The following SMOX variants were observed in gnomAD, a reference collection of about 807,000 sequenced individuals.
SMOX encodes the protein spermine oxidase.
In SMOX, 22 loss-of-function variants were observed where a neutral mutation model predicts 51.0. That is an observed-to-expected ratio of 0.43 (90% CI 0.31 to 0.62). The LOEUF (loss-of-function observed/expected upper bound fraction) is 0.62. Among genes scored for constraint, SMOX ranks in the 20% least tolerant of loss-of-function variants. SMOX has a pLI of 0.10. For missense variants in SMOX, 566 were observed against 777.7 expected (o/e 0.73, Z 3.24); for synonymous variants, 282 against 307.8 (o/e 0.92, Z 0.88).
rs1378302903 is a variant in SMOX at position 4,172,280 on chromosome 20, G to A, written c.-26-2750G>A. Among the ~76,000 whole-genome samples the A allele has an allele frequency of 6.6e-6, 1 of 152,154 alleles. No homozygotes were observed. The highest frequency in any genetic ancestry group is 1.5e-5 in the Non-Finnish European group (1 of 68,018). On this transcript the variant is annotated intron_variant, in intron 1 of 6. Coordinates refer to ENST00000305958, the MANE Select transcript of SMOX (RefSeq NM_175839.3). The surrounding 1 kb of genome is among the most constrained non-coding windows in gnomAD (Gnocchi z 7.7). Reference sequence around the variant, plus strand: ...TGCCCAGGGTGGCGGCGTCCCCGTCGCAGCTGGCGCGGCCCCTCCGGAGCA... The same window carrying A: ...TGCCCAGGGTGGCGGCGTCCCCGTCACAGCTGGCGCGGCCCCTCCGGAGCA...
In SMOX at chr20:4,182,320, C is replaced by G. The variant is rs754067325; in HGVS notation, c.841C>G (p.Arg281Gly). ...CCCCAGAGGCCCTGAGATTGAGCCC[C>G]GGGGTGAGGGCGACCACAATCACGA... is the stretch of plus-strand genomic sequence containing the variant. ...ARPRGPEIEPRGEGDHNHDTG... is the reference protein window; with the variant it reads ...ARPRGPEIEPGGEGDHNHDTG... The change falls in exon 5 of 7, where the codon CGG becomes GGG. Residue 281 changes from arginine to glycine, a missense_variant. Arg to Gly is a moderately radical substitution (Grantham distance 125). This residue lies in a region of SMOX where 347 missense variants were observed against 481.8 expected (regional missense o/e 0.72). Transcript: ENST00000305958. This position sits in a 1 kb window ranked among gnomAD's most constrained non-coding sequence, Gnocchi z 8.4. 1 of 1,598,268 alleles carries G rather than the reference C, an allele frequency of 6.3e-7. No individual in the cohort carries two copies. Among genetic ancestry groups the G allele is most frequent in the Non-Finnish European group, 8.6e-7 (1 of 1,169,084 alleles).
chr20:4,149,050 C>A lies in SMOX; in HGVS notation c.-27+73C>A, dbSNP rs1286155870. On this transcript the variant is annotated intron_variant, in intron 1 of 6. Coordinates refer to ENST00000305958, the MANE Select transcript of SMOX (RefSeq NM_175839.3). This position sits in a 1 kb window ranked among gnomAD's most constrained non-coding sequence, Gnocchi z 6.0. Reference sequence around the variant, plus strand: ...CCCGGGCGCAGGCAGGGGCTGCGGCCGCCGCGAGAGGGTGAGGGGCCCGGA... The same window carrying A: ...CCCGGGCGCAGGCAGGGGCTGCGGCAGCCGCGAGAGGGTGAGGGGCCCGGA... 2.0e-5 allele frequency: 3 copies of A among 150,012 alleles called. No individual in the cohort carries two copies. In the East Asian group the frequency reaches 6.0e-4, roughly 30 times the overall value. The allele number at this position is 150,012 out of a possible 1,614,324, so 9.3% of individuals were successfully genotyped here. A position where few individuals can be genotyped will look rare whatever the true frequency, so the allele number is the denominator to read the frequency against.
rs200504669 is a variant in SMOX, at chr20:4,187,290, C to T, written c.1551C>T (p.Ser517=). 140 of 1,614,098 alleles carry T rather than the reference C, an allele frequency of 8.7e-5. No individual in the cohort carries two copies. The highest frequency in any genetic ancestry group is 1.8e-4 in the South Asian group (16 of 91,058). Residue 517 remains serine, a synonymous_variant, in exon 7 of 7, where the codon TCC becomes TCT. Transcript: ENST00000305958. The surrounding 1 kb of genome is among the most constrained non-coding windows in gnomAD (Gnocchi z 4.8). ...SKTAPMQVLF[S]GEATHRKYYS... is the part of the protein sequence containing the mutation. Reference sequence around the variant, plus strand: ...CGCAGCCCATGCAGGTGCTGTTTTCCGGTGAGGCCACCCACCGCAAGTACT... The same window carrying T: ...CGCAGCCCATGCAGGTGCTGTTTTCTGGTGAGGCCACCCACCGCAAGTACT...
In SMOX at chr20:4,177,241, T is replaced by G; in HGVS notation, c.209-110T>G. On this transcript the variant is annotated intron_variant, in intron 2 of 6. Coordinates refer to ENST00000305958, the MANE Select transcript of SMOX (RefSeq NM_175839.3). This position sits in a 1 kb window ranked among gnomAD's most constrained non-coding sequence, Gnocchi z 4.3. ...AGCAGTGGAAGTTCAAGCTCTTTCC[T>G]GCCCTGTTGTAGGGTGGAAAGACCC... 1.1e-6 allele frequency: 1 copy of G among 946,930 alleles called. No individual in the cohort carries two copies. Among genetic ancestry groups the G allele is most frequent in the Admixed American group, 2.8e-5 (1 of 36,142 alleles). 58.7% of individuals were successfully genotyped at this position (946,930 alleles called of 1,614,324 possible). A position where few individuals can be genotyped will look rare whatever the true frequency, so the allele number is the denominator to read the frequency against.
intron 1 of SMOX, among the ~76,000 whole-genome samples, chr20:4,158,132 C>A (rs548330016): frequency 6.6e-6 from 1 of 150,986 alleles, no homozygotes; most frequent in Non-Finnish European, 1.5e-5. Context: ...GATCTCCTGA[C>A]CTCGTGATCC....
In SMOX at chr20:4,175,069, A is replaced by C. The variant is rs1978726204; in HGVS notation, c.14A>C (p.Glu5Ala). 1 of 1,614,046 alleles carries C rather than the reference A, an allele frequency of 6.2e-7. No individual in the cohort carries two copies. The highest frequency in any genetic ancestry group is 1.7e-5 in the Admixed American group (1 of 60,010). ...AGCGCGGACGGTATGCAAAGTTGTG[A>C]ATCCAGTGGTGACAGTGCGGATGAC... MQSC[E>A]SSGDSADDPL... The change falls in exon 2 of 7, where the codon GAA becomes GCA. Residue 5 changes from glutamate to alanine, a missense_variant. Glu to Ala is a moderately radical substitution (Grantham distance 107). Around this residue, in one of 3 missense-constraint regions of SMOX, gnomAD observed 217 missense variants for 278.4 expected, o/e 0.78. Coordinates refer to ENST00000305958, the MANE Select transcript of SMOX (RefSeq NM_175839.3).
chr20:4,161,950 C>G (rs543351497), intron 1 of SMOX, among the ~76,000 whole-genome samples: 1 of 152,248 alleles, frequency 6.6e-6, no homozygotes, highest in Non-Finnish European at 1.5e-5. Context: ...ACGTGCCCCC[C>G]GCCTGCCCGG....
In SMOX at chr20:4,181,847, C is replaced by A; in HGVS notation, c.480C>A (p.Val160=). Residue 160 remains valine (V), a synonymous_variant, in exon 4 of 7, where the codon GTC becomes GTA. Coordinates refer to ENST00000305958, the MANE Select transcript of SMOX (RefSeq NM_175839.3). This position sits in a 1 kb window ranked among gnomAD's most constrained non-coding sequence, Gnocchi z 5.6. ...TQEFFRHDKP[V]NAESQNSVGV... ...AGTTCTTCCGGCACGATAAACCAGTCAATGCTGAAAGTCAAAATAGCGTGG... is the reference window on the plus strand; with the variant it reads ...AGTTCTTCCGGCACGATAAACCAGTAAATGCTGAAAGTCAAAATAGCGTGG... 2 of 1,614,078 alleles carry A rather than the reference C, an allele frequency of 1.2e-6. No individual in the cohort carries two copies. Among genetic ancestry groups the A allele is most frequent in the Non-Finnish European group, 1.7e-6 (2 of 1,180,032 alleles).
At chr20:4,179,756 A>G (rs570658165) in intron 3 of SMOX, among the ~76,000 whole-genome samples, 1 of 152,326 alleles carries the variant, frequency 6.6e-6, no homozygotes, top group Non-Finnish European at 1.5e-5. Context: ...CCTCTTCTGT[A>G]AAATGGGCAT....
chr20:4,179,194 T>C (rs1326299693), intron 3 of SMOX, among the ~76,000 whole-genome samples: 1 of 152,232 alleles, frequency 6.6e-6, no homozygotes, highest in Non-Finnish European at 1.5e-5. Flanking sequence ...ACCTTTCTTT[T>C]CTGCTGGAAA....
chr20:4,165,853 C>G (rs911350673), intron 1 of SMOX, among the ~76,000 whole-genome samples: 1 of 152,194 alleles, frequency 6.6e-6, no homozygotes, highest in Admixed American at 6.5e-5. Context: ...CAGCAGATCT[C>G]TGGTTGCTGA....
intron 3 of SMOX, among the ~76,000 whole-genome samples, chr20:4,178,518 T>C (rs1373509969): frequency 1.3e-5 from 2 of 152,116 alleles, no homozygotes; most frequent in African/African-American, 4.8e-5. Context: ...ATTATTAATA[T>C]TGTTAGTATT....
Position 4,182,694 on chromosome 20 carries a change from C to T in SMOX, c.1215C>T (p.Tyr405=). Residue 405 remains tyrosine, a synonymous_variant, in exon 5 of 7, where the codon TAC becomes TAT. Transcript: ENST00000305958. This position sits in a 1 kb window ranked among gnomAD's most constrained non-coding sequence, Gnocchi z 8.4. The part of the protein sequence containing the change: ...HTLTYPPELW[Y]RKICGFDVLY... ...TCACCTACCCACCTGAGCTCTGGTA[C>T]CGCAAGATCTGCGGCTTTGATGTCC... 1.2e-6 allele frequency: 2 copies of T among 1,614,184 alleles called. No individual in the cohort carries two copies. Among genetic ancestry groups the T allele is most frequent in the South Asian group, 2.2e-5 (2 of 91,080 alleles).
intron 1 of SMOX, among the ~76,000 whole-genome samples, chr20:4,157,178 G>A (rs1357869930): frequency 6.6e-6 from 1 of 152,178 alleles, no homozygotes; most frequent in Non-Finnish European, 1.5e-5. Flanking sequence ...AAGCCTCTCT[G>A]TGCCTCCGTT....
Position 4,177,163 on chromosome 20 carries a change from C to T in SMOX, c.209-188C>T, listed in dbSNP as rs1481747864. ...TCATCCAAGGTGGCAGTTATCTTAG[C>T]TATAAGGTGGTTTTCAGTGGGAACT... On this transcript the variant is annotated intron_variant, in intron 2 of 6. Transcript: ENST00000305958. This position sits in a 1 kb window ranked among gnomAD's most constrained non-coding sequence, Gnocchi z 4.3. 6.6e-6 allele frequency among the ~76,000 whole-genome samples: 1 copy of T among 152,202 alleles called. No individual in the cohort carries two copies. The highest frequency in any genetic ancestry group is 2.4e-5 in the African/African-American group (1 of 41,448).
intron 1 of SMOX, among the ~76,000 whole-genome samples, chr20:4,158,869 G>A (rs553378415): frequency 6.6e-6 from 1 of 152,158 alleles, no homozygotes; most frequent in East Asian, 1.9e-4. Flanking sequence ...GATACTCCTT[G>A]CAGGCTGAGT....
chr20:4,169,140 A>C (rs1986712933), intron 1 of SMOX, among the ~76,000 whole-genome samples: 1 of 151,646 alleles, frequency 6.6e-6, no homozygotes, highest in African/African-American at 2.4e-5. Context: ...TTTTTTGTTT[A>C]TGTTTCAGAC....
At position 4,182,185 on chromosome 20, in the gene SMOX, C is replaced by T; in HGVS notation, c.706C>T (p.Pro236Ser). ...TEIPGAHHII[P>S]SGFMRVVELL... is the part of the protein sequence containing the mutation. ...GATCCCCGGCGCTCACCACATCATC[C>T]CCTCGGGCTTCATGCGGGTTGTGGA... is the stretch of plus-strand genomic sequence containing the variant. Residue 236 changes from proline (P) to serine (S), a missense_variant, in exon 5 of 7, where the codon CCC becomes TCC. Pro to Ser is a moderately conservative substitution (Grantham distance 74, BLOSUM62 -1). Transcript: ENST00000305958. The surrounding 1 kb of genome is among the most constrained non-coding windows in gnomAD (Gnocchi z 8.4). The T allele has an allele frequency of 6.2e-7, 1 of 1,613,640 alleles. No individual in the cohort carries two copies. The highest frequency in any genetic ancestry group is 8.5e-7 in the Non-Finnish European group (1 of 1,180,010).
rs10211774 is a variant in SMOX at position 4,172,971 on chromosome 20, G to T, written c.-26-2059G>T. 1.3e-5 allele frequency among the ~76,000 whole-genome samples: 2 copies of T among 152,034 alleles called. No individual in the cohort carries two copies. Among genetic ancestry groups the T allele is most frequent in the Non-Finnish European group, 2.9e-5 (2 of 67,994 alleles). Reference sequence around the variant, plus strand: ...ACTTAAGGGATGTTAAGGACGCTGCGGTTCCAAGTGGGATAGAAACCTCAG... The same window carrying T: ...ACTTAAGGGATGTTAAGGACGCTGCTGTTCCAAGTGGGATAGAAACCTCAG... On this transcript the variant is annotated intron_variant, in intron 1 of 6. Coordinates refer to ENST00000305958, the MANE Select transcript of SMOX (RefSeq NM_175839.3). This position sits in a 1 kb window ranked among gnomAD's most constrained non-coding sequence, Gnocchi z 7.7.
Sources: gnomAD v4.1 joint callset for allele counts (sites outside exome capture counted in the v4.1 genomes callset) on GRCh38, gnomAD v4.1.1 for gene constraint, gnomAD v4.1.1 regional missense constraint, Gnocchi (gnomAD v3.1) non-coding constraint, MANE v1.5 for transcripts, NCBI Gene and HGNC (gene_info 2026-07-23, HGNC 2026-07-21) for gene names.